The following USP48 variants were observed in gnomAD, a reference collection of about 807,000 sequenced individuals.
The protein encoded by USP48 is ubiquitin specific peptidase 48, also known as ubiquitin carboxyl-terminal hydrolase 48.
A neutral mutation model predicts 150.7 loss-of-function variants in USP48; 43 were observed. That is an observed-to-expected ratio of 0.29 (90% CI 0.22 to 0.37). The LOEUF (loss-of-function observed/expected upper bound fraction) is 0.37, where lower values mean the gene tolerates loss of function less well. Ranked by LOEUF, USP48 falls within the 10% of genes least tolerant of loss-of-function variation. The probability of loss-of-function intolerance (pLI) is 1.00; values close to 1 mark genes in which losing one functional copy is unlikely to be tolerated. For synonymous variants in USP48, 396 were observed against 425.9 expected (o/e 0.93, Z 0.86); for missense variants, 813 against 1,249.6 (o/e 0.65, Z 5.27).
chr1:21,697,339 A>G (rs1157116376), intron 22 of USP48, among the ~76,000 whole-genome samples: 13 of 152,072 alleles, frequency 8.5e-5, no homozygotes, highest in Admixed American at 8.5e-4. Context: ...ATGAAACCCG[A>G]TGAAACATTT....
chr1:21,751,635 C>T lies in USP48; in HGVS notation c.666-20G>A. On this transcript the variant is annotated intron_variant, in intron 5 of 26. Transcript: ENST00000308271. ...TTGCAACTATAATAAAACAGAACGA[C>T]AAAATTCAGATCAGAGTGTGAAAAG... 6.3e-7 allele frequency: 1 copy of T among 1,583,232 alleles called. No individual in the cohort carries two copies. Among genetic ancestry groups the T allele is most frequent in the South Asian group, 1.1e-5 (1 of 90,352 alleles).
intron 23 of USP48, among the ~76,000 whole-genome samples, chr1:21,694,584 A>AAC (rs1557428855): frequency 8.2e-6 from 1 of 122,210 alleles, no homozygotes; most frequent in East Asian, 2.2e-4. Context: ...AAAAAAAAAA[A>AAC]AAAAAAAAAA....
Position 21,752,589 on chromosome 1 carries a change from C to A in USP48, c.603G>T (p.Lys201Asn), listed in dbSNP as rs148422586. 17 of 1,613,308 alleles carry A rather than the reference C, an allele frequency of 1.1e-5. No homozygotes were observed. Among genetic ancestry groups the A allele is most frequent in the African/African-American group, 5.3e-5 (4 of 74,902 alleles). Residue 201 changes from lysine to asparagine, a missense_variant, in exon 5 of 27, where the codon AAG (lysine) becomes AAT (asparagine). Physicochemically the swap from Lys to Asn is moderately conservative, Grantham distance 94 (BLOSUM62 0). Coordinates refer to ENST00000308271, the MANE Select transcript of USP48 (RefSeq NM_032236.8). ...SLLEDTLSKQ[K>N]NPDVRNIVQQ... ...GAACAATATTGCGCACATCTGGATT[C>A]TTTTGTTTAGACAAAGTATCTTCCA...
chr1:21,695,581 G>C (rs1157380364), intron 22 of USP48, among the ~76,000 whole-genome samples: 1 of 152,074 alleles, frequency 6.6e-6, no homozygotes, highest in African/African-American at 2.4e-5. Flanking sequence ...GTGGTGGCAT[G>C]AGCCTGTAGT....
At chr1:21,771,755 AC>A (rs2097881385) in intron 1 of USP48, among the ~76,000 whole-genome samples, 1 of 151,652 alleles carries the variant, frequency 6.6e-6, no homozygotes, top group Admixed American at 6.6e-5. Context: ...CCCCGTCTCT[AC>A]TAAAAACACA....
intron 11 of USP48, among the ~76,000 whole-genome samples, chr1:21,725,450 T>C (rs1246887845): frequency 6.6e-6 from 1 of 152,148 alleles, no homozygotes; most frequent in East Asian, 1.9e-4. Flanking sequence ...GTAAACTTAA[T>C]ATATAAAAGA....
intron 24 of USP48, among the ~76,000 whole-genome samples, chr1:21,688,540 C>T (rs189403547): frequency 1.3e-5 from 2 of 151,464 alleles, no homozygotes; most frequent in African/African-American, 2.4e-5. Flanking sequence ...TTCTAAGACA[C>T]TGTCAAAGAA....
At chr1:21,762,613 A>AGGC (rs2097852504) in intron 1 of USP48, among the ~76,000 whole-genome samples, 2 of 152,168 alleles carry the variant, frequency 1.3e-5, no homozygotes, top group Non-Finnish European at 2.9e-5. Context: ...CACGCCTGTA[A>AGGC]TCCCAGCACT....
At chr1:21,776,641 G>C (rs1406771484) in intron 1 of USP48, among the ~76,000 whole-genome samples, 2 of 145,750 alleles carry the variant, frequency 1.4e-5, no homozygotes, top group African/African-American at 2.5e-5. Context: ...TAGAAAGAGA[G>C]CTTTTTGGAT....
intron 1 of USP48, among the ~76,000 whole-genome samples, chr1:21,770,161 CA>C (rs34388606): frequency 2.0e-3 from 269 of 136,874 alleles, no homozygotes; most frequent in Admixed American, 2.8e-3. Context: ...CGTCCTCCAC[CA>C]AAAAAAAAAA....
At position 21,734,516 on chromosome 1, in the gene USP48, G is replaced by A. The variant is rs115953948; in HGVS notation, c.1171+1930C>T. 4.5e-3 allele frequency among the ~76,000 whole-genome samples: 688 copies of A among 152,280 alleles called. 5 individuals are homozygous for A. The highest frequency in any genetic ancestry group is 0.015 in the African/African-American group (637 of 41,554). ...TCTGTAGAGATGATGCATATGCCTC[G>A]AAAGCAAATCTCAACTGCTATGTTC... On this transcript the variant is annotated intron_variant, in intron 9 of 26. Coordinates refer to ENST00000308271, the MANE Select transcript of USP48 (RefSeq NM_032236.8).
chr1:21,723,971 T>A lies in USP48; in HGVS notation c.1575A>T (p.Ser525=), dbSNP rs760455798. Residue 525 remains serine (S), a synonymous_variant, in exon 12 of 27, where the codon TCA becomes TCT. Coordinates refer to ENST00000308271, the MANE Select transcript of USP48 (RefSeq NM_032236.8). ...SHDKLHPDKI[S]IMKRISEYAA... ...CATATTCAGATATCCTCTTCATAAT[T>A]GATATTTTATCCGGGTGAAGCTTGT... 6.2e-7 allele frequency: 1 copy of A among 1,614,066 alleles called. No homozygotes were observed. Among genetic ancestry groups the A allele is most frequent in the Non-Finnish European group, 8.5e-7 (1 of 1,180,042 alleles).
At chr1:21,731,812 T>C (rs1226711323) in intron 9 of USP48, among the ~76,000 whole-genome samples, 1 of 152,026 alleles carries the variant, frequency 6.6e-6, no homozygotes, top group East Asian at 1.9e-4. Flanking sequence ...GAGGTTGCAG[T>C]GAGCCAAGAT....
At chr1:21,745,030 C>A (rs1015974163) in intron 8 of USP48, among the ~76,000 whole-genome samples, 2 of 151,860 alleles carry the variant, frequency 1.3e-5, no homozygotes, top group Non-Finnish European at 2.9e-5. Flanking sequence ...TGTGTGGGTA[C>A]GGGAAAATAT....
In USP48 at chr1:21,703,505, C is replaced by A. The variant is rs927009114; in HGVS notation, c.2622+7G>T. 5.6e-6 allele frequency: 9 copies of A among 1,607,324 alleles called. No homozygotes were observed. Among genetic ancestry groups the A allele is most frequent in the Non-Finnish European group, 7.7e-6 (9 of 1,175,696 alleles). On this transcript the variant is annotated splice_region_variant and intron_variant, in intron 21 of 26. Transcript: ENST00000308271. The stretch of plus-strand genomic sequence containing the variant: ...TTACTAGTCATTGCCACAAGAGGGA[C>A]CAGTACCTTTTTATTATCCACAACT...
At position 21,724,111 on chromosome 1, in the gene USP48, T is replaced by C; in HGVS notation, c.1451-16A>G. 1 of 1,613,028 alleles carries C rather than the reference T, an allele frequency of 6.2e-7. No homozygotes were observed. The highest frequency in any genetic ancestry group is 8.5e-7 in the Non-Finnish European group (1 of 1,179,238). Reference sequence around the variant, plus strand: ...TCATAGGGCTCTGAGAAAGCAAGCATCGGAAAGAGCCTATGTATTTTTACA... The same window carrying C: ...TCATAGGGCTCTGAGAAAGCAAGCACCGGAAAGAGCCTATGTATTTTTACA... On this transcript the variant is annotated splice_polypyrimidine_tract_variant and intron_variant, in intron 11 of 26. Transcript: ENST00000308271.
At position 21,732,366 on chromosome 1, in the gene USP48, G is replaced by A. The variant is rs550203236; in HGVS notation, c.1172-2534C>T. Among the ~76,000 whole-genome samples the A allele has an allele frequency of 7.2e-5, 11 of 152,244 alleles. No individual in the cohort carries two copies. The South Asian group carries it at 2.1e-3, about 29-fold the overall frequency. ...CCACGTGCTTTTCTAAAATGGATCTGCCTCAACACTGAGGTCCCACGATGG... is the reference window on the plus strand; with the variant it reads ...CCACGTGCTTTTCTAAAATGGATCTACCTCAACACTGAGGTCCCACGATGG... On this transcript the variant is annotated intron_variant, in intron 9 of 26. Coordinates refer to ENST00000308271, the MANE Select transcript of USP48 (RefSeq NM_032236.8).
rs2097729488 is a variant in USP48 at position 21,724,079 on chromosome 1, G to A, written c.1467C>T (p.Val489=). The A allele has an allele frequency of 6.2e-7, 1 of 1,614,002 alleles. No homozygotes were observed. Among genetic ancestry groups the A allele is most frequent in the Non-Finnish European group, 8.5e-7 (1 of 1,180,034 alleles). Residue 489 remains valine, a synonymous_variant, in exon 12 of 27, where the codon GTC becomes GTT. Transcript: ENST00000308271. ...LPAGAEPYEF[V]SLEWLQKWLD... Reference sequence around the variant, plus strand: ...ACCACTTTTGCAGCCATTCCAGAGAGACAAACTCATAGGGCTCTGAGAAAG... The same window carrying A: ...ACCACTTTTGCAGCCATTCCAGAGAAACAAACTCATAGGGCTCTGAGAAAG...
intron 15 of USP48, 48 bp downstream of exon 15, chr1:21,715,336 TAAAAG>T: frequency 1.4e-6 from 2 of 1,437,636 alleles, no homozygotes; most frequent in Non-Finnish European, 1.9e-6. Context: ...CAGTAGAAGC[TAAAAG>T]TAAAAAAAAG....
Sources: allele counts gnomAD v4.1 joint callset (sites outside exome capture counted in the v4.1 genomes callset), GRCh38; gene constraint gnomAD v4.1.1; transcripts MANE v1.5; gene names NCBI Gene and HGNC (gene_info 2026-07-23, HGNC 2026-07-21).